The following AGAP1 variants were observed in gnomAD, a reference collection of about 807,000 sequenced individuals.
The protein encoded by AGAP1 is ArfGAP with GTPase domain, ankyrin repeat and PH domain 1.
A neutral mutation model predicts 105.3 loss-of-function variants in AGAP1; 29 were observed. The ratio of observed to expected loss-of-function variants is 0.28; its 90% CI spans 0.21 to 0.38. The LOEUF (loss-of-function observed/expected upper bound fraction) is 0.38, where lower values mean the gene tolerates loss of function less well. AGAP1 is among the 10% of genes least tolerant of loss of function. AGAP1 has a pLI of 1.00. For synonymous variants in AGAP1, 509 were observed against 485.9 expected, an observed-to-expected ratio of 1.05 and a Z score of -0.63; for missense variants, 998 against 1,165.1, an observed-to-expected ratio of 0.86 and a Z score of 2.09.
intron 12 of AGAP1, among the ~76,000 whole-genome samples, chr2:235,952,773 G>A (rs1306102887): frequency 3.4e-5 from 5 of 145,794 alleles, no homozygotes; most frequent in Admixed American, 6.7e-5. Flanking sequence ...GGTGTCCCTC[G>A]GTGCTGAGCC....
chr2:235,571,997 C>T (rs1944539509), intron 1 of AGAP1, among the ~76,000 whole-genome samples: 1 of 121,302 alleles, frequency 8.2e-6, no homozygotes, highest in Non-Finnish European at 1.7e-5. Context: ...CACACACACA[C>T]ACACACTTTT....
At chr2:235,546,827 T>C (rs1474059656) in intron 1 of AGAP1, among the ~76,000 whole-genome samples, 1 of 152,208 alleles carries the variant, frequency 6.6e-6, no homozygotes, top group African/African-American at 2.4e-5. Context: ...ATTAGTTTCT[T>C]CTTTGACTAA....
chr2:235,605,603 G>A (rs1042746032), intron 1 of AGAP1, among the ~76,000 whole-genome samples: 1 of 152,204 alleles, frequency 6.6e-6, no homozygotes, highest in Non-Finnish European at 1.5e-5. Context: ...GACACCCTAA[G>A]GGAGACCAGA....
At position 236,124,523 on chromosome 2, in the gene AGAP1, T is replaced by G; in HGVS notation, c.*401T>G. The G allele has an allele frequency of 4.1e-6, 1 of 244,936 alleles. No individual in the cohort carries two copies. The highest frequency in any genetic ancestry group is 8.0e-6 in the Non-Finnish European group (1 of 124,854). 15.2% of individuals were successfully genotyped at this position (244,936 alleles called of 1,614,324 possible). ...CTGGCAGTTGAGCACATAGTACATT[T>G]CCCCTCTACCAAACGGAACACTTGG... On this transcript the variant is annotated 3_prime_UTR_variant, in exon 18 of 18. Transcript: ENST00000304032. This position sits in a 1 kb window ranked among gnomAD's most constrained non-coding sequence, Gnocchi z 5.1.
In AGAP1 at chr2:235,930,365, T is replaced by C. The variant is rs2052661165; in HGVS notation, c.1325-400T>C. ...CAATGGGTGATCATTTTCTGTTCCATTGGTAGGGTGACATGGCCGGGCTCC... is the reference window on the plus strand; with the variant it reads ...CAATGGGTGATCATTTTCTGTTCCACTGGTAGGGTGACATGGCCGGGCTCC... On this transcript the variant is annotated intron_variant, in intron 11 of 17. Coordinates refer to ENST00000304032, the MANE Select transcript of AGAP1 (RefSeq NM_001037131.3). This position sits in a 1 kb window ranked among gnomAD's most constrained non-coding sequence, Gnocchi z 7.9. Among the ~76,000 whole-genome samples, 10 of 152,288 alleles carry C rather than the reference T, an allele frequency of 6.6e-5. No individual in the cohort carries two copies. The South Asian group carries it at 2.1e-3, about 32-fold the overall frequency.
At chr2:235,772,076 ACCTCCG>A (rs1226518883) in intron 6 of AGAP1, among the ~76,000 whole-genome samples, 1 of 147,584 alleles carries the variant, frequency 6.8e-6, no homozygotes, top group African/African-American at 2.5e-5. Flanking sequence ...GCTTACTGCA[ACCTCCG>A]CCTCCGAGTT....
At chr2:235,541,926 A>G (rs1943455206) in intron 1 of AGAP1, among the ~76,000 whole-genome samples, 1 of 152,140 alleles carries the variant, frequency 6.6e-6, no homozygotes, top group Non-Finnish European at 1.5e-5. Flanking sequence ...CTGCTGTATA[A>G]TATTCTACTT....
intron 1 of AGAP1, among the ~76,000 whole-genome samples, chr2:235,703,557 C>A (rs569286409): frequency 6.9e-6 from 1 of 145,712 alleles, no homozygotes; most frequent in South Asian, 2.3e-4. Context: ...CTCCCCTCCC[C>A]CTCCTTCCCC....
rs1466169401 is a variant in AGAP1, at chr2:236,082,430, G to C, written c.2114+33149G>C. Among the ~76,000 whole-genome samples the C allele has an allele frequency of 5.9e-5, 9 of 152,232 alleles. No individual in the cohort carries two copies. Among genetic ancestry groups the C allele is most frequent in the Admixed American group, 5.9e-4 (9 of 15,278 alleles). ...GGTGGGAGCTCACCCACCAGGTCCT[G>C]CTACGGGGCCGCTGCCCATTTGATC... On this transcript the variant is annotated intron_variant, in intron 16 of 17. Transcript: ENST00000304032. This position sits in a 1 kb window ranked among gnomAD's most constrained non-coding sequence, Gnocchi z 4.2.
At chr2:235,921,547 C>T (rs1284595014) in intron 11 of AGAP1, among the ~76,000 whole-genome samples, 1 of 152,112 alleles carries the variant, frequency 6.6e-6, no homozygotes, top group African/African-American at 2.4e-5. Flanking sequence ...GCTGTTTCTA[C>T]GTTGTAGGAA....
intron 1 of AGAP1, among the ~76,000 whole-genome samples, chr2:235,613,484 C>G (rs1483514104): frequency 6.6e-6 from 1 of 152,156 alleles, no homozygotes; most frequent in Non-Finnish European, 1.5e-5. Context: ...AGACTTATAT[C>G]TTTTTGAGCA....
At chr2:235,861,503 G>A (rs1040515206) in intron 9 of AGAP1, among the ~76,000 whole-genome samples, 4 of 152,218 alleles carry the variant, frequency 2.6e-5, no homozygotes, top group African/African-American at 7.2e-5. Context: ...GAACAGAGAA[G>A]GCTTTCGTAG....
Position 235,615,868 on chromosome 2 carries a change from A to G in AGAP1, c.164-93311A>G, listed in dbSNP as rs183098670. On this transcript the variant is annotated intron_variant, in intron 1 of 17. Transcript: ENST00000304032. This position sits in a 1 kb window ranked among gnomAD's most constrained non-coding sequence, Gnocchi z 5.0. Reference sequence around the variant, plus strand: ...CCTTCTGAACAGCACAAACACTTGTAGCAAAATTAAAAGACCAACAAAAAT... The same window carrying G: ...CCTTCTGAACAGCACAAACACTTGTGGCAAAATTAAAAGACCAACAAAAAT... Among the ~76,000 whole-genome samples, 13 of 152,348 alleles carry G rather than the reference A, an allele frequency of 8.5e-5. No individual in the cohort carries two copies. Among genetic ancestry groups the G allele is most frequent in the African/African-American group, 3.1e-4 (13 of 41,586 alleles).
intron 1 of AGAP1, among the ~76,000 whole-genome samples, chr2:235,575,142 A>G (rs1363073731): frequency 2.2e-5 from 2 of 89,832 alleles, no homozygotes; most frequent in Non-Finnish European, 4.0e-5. Flanking sequence ...AAAACAACAA[A>G]CCAAAAAAAA....
At chr2:235,497,103 T>C (rs1258323449) in intron 1 of AGAP1, among the ~76,000 whole-genome samples, 2 of 152,230 alleles carry the variant, frequency 1.3e-5, no homozygotes, top group African/African-American at 4.8e-5. Flanking sequence ...TATAGTCTCA[T>C]TGTGTGGCTT....
At chr2:235,897,751 G>T (rs1034005213) in intron 10 of AGAP1, among the ~76,000 whole-genome samples, 1 of 151,998 alleles carries the variant, frequency 6.6e-6, no homozygotes, top group Non-Finnish European at 1.5e-5. Flanking sequence ...GACTGTGGGG[G>T]GTCATGAGGA....
At chr2:236,111,475 A>G (rs1243954098) in intron 16 of AGAP1, among the ~76,000 whole-genome samples, 1 of 149,584 alleles carries the variant, frequency 6.7e-6, no homozygotes, top group Non-Finnish European at 1.5e-5. Context: ...CAGCCTGGGC[A>G]GTATAGCAAG....
In AGAP1 at chr2:236,045,996, A is replaced by G; in HGVS notation, c.1892-3063A>G. 2.1e-6 allele frequency: 1 copy of G among 471,642 alleles called. No homozygotes were observed. The highest frequency in any genetic ancestry group is 4.4e-6 in the Non-Finnish European group (1 of 227,152). 29.2% of individuals were successfully genotyped at this position (471,642 alleles called of 1,614,324 possible). A position where few individuals can be genotyped will look rare whatever the true frequency, so the allele number is the denominator to read the frequency against. ...CCCACGCATGAATGTCGTCCTTCAGATCTGGACCTGACAGCCTGGGAGCTG... is the reference window on the plus strand; with the variant it reads ...CCCACGCATGAATGTCGTCCTTCAGGTCTGGACCTGACAGCCTGGGAGCTG... On this transcript the variant is annotated intron_variant, in intron 15 of 17. Transcript: ENST00000304032. The surrounding 1 kb of genome is among the most constrained non-coding windows in gnomAD (Gnocchi z 6.9).
In AGAP1 at chr2:235,930,989, T is replaced by C; in HGVS notation, c.1483+66T>C. 1.3e-6 allele frequency: 2 copies of C among 1,557,096 alleles called. No individual in the cohort carries two copies. Among genetic ancestry groups the C allele is most frequent in the African/African-American group, 1.4e-5 (1 of 73,590 alleles). On this transcript the variant is annotated intron_variant, in intron 12 of 17. Coordinates refer to ENST00000304032, the MANE Select transcript of AGAP1 (RefSeq NM_001037131.3). This position sits in a 1 kb window ranked among gnomAD's most constrained non-coding sequence, Gnocchi z 7.9. ...AGGTCCTTCGTTGTAAGCCAGGGGC[T>C]GGACAGGACGCCCTAAGCTCTCATG...
Sources: gnomAD v4.1 joint callset for allele counts (sites outside exome capture counted in the v4.1 genomes callset) on GRCh38, gnomAD v4.1.1 for gene constraint, Gnocchi (gnomAD v3.1) non-coding constraint, MANE v1.5 for transcripts, NCBI Gene and HGNC (gene_info 2026-07-23, HGNC 2026-07-21) for gene names.